The following RNF157 variants were observed in gnomAD, a reference collection of about 807,000 sequenced individuals.
RNF157 encodes E3 ubiquitin ligase RNF157.
A neutral mutation model predicts 88.3 loss-of-function variants in RNF157; 55 were observed. The observed-to-expected ratio is 0.62, with a 90% CI of 0.50 to 0.78. The LOEUF is 0.78. RNF157 is among the 30% of genes least tolerant of loss of function. The pLI, the probability that RNF157 is intolerant of heterozygous loss-of-function variation, is 0.00. For synonymous variants in RNF157, 334 were observed against 341.2 expected, an observed-to-expected ratio of 0.98 and a Z score of 0.23; for missense variants, 788 against 860.8, an observed-to-expected ratio of 0.92 and a Z score of 1.06.
At chr17:76,210,365 G>A (rs955943834) in intron 2 of RNF157, among the ~76,000 whole-genome samples, 9 of 151,692 alleles carry the variant, frequency 5.9e-5, no homozygotes, top group East Asian at 3.9e-4. Context: ...AGGCCAAGGT[G>A]GGCGGATCAC....
chr17:76,173,025 G>A (rs1178354109), intron 3 of RNF157, among the ~76,000 whole-genome samples: 2 of 152,162 alleles, frequency 1.3e-5, no homozygotes, highest in African/African-American at 2.4e-5. Flanking sequence ...GGTGGCTCAC[G>A]CCTGTAATCC....
chr17:76,239,469 A>G (rs920276258), intron 1 of RNF157, among the ~76,000 whole-genome samples: 2 of 152,104 alleles, frequency 1.3e-5, no homozygotes, highest in Admixed American at 1.3e-4. Context: ...CCACTACGCT[A>G]GCAAAGGGGC....
intron 1 of RNF157, among the ~76,000 whole-genome samples, chr17:76,218,466 C>T (rs754378026): frequency 1.1e-4 from 17 of 151,998 alleles, no homozygotes; most frequent in Non-Finnish European, 2.2e-4. Context: ...CATAGCAAGA[C>T]CTCATCTCTA....
chr17:76,210,794 C>G (rs1049772851), intron 2 of RNF157, among the ~76,000 whole-genome samples: 1 of 151,906 alleles, frequency 6.6e-6, no homozygotes, highest in African/African-American at 2.4e-5. Context: ...CAAGGTAACA[C>G]AGCCGCCACC....
rs181147054 is a variant in RNF157, at chr17:76,157,233, C to T, written c.1414-912G>A. 1.9e-3 allele frequency among the ~76,000 whole-genome samples: 285 copies of T among 152,330 alleles called. 1 individual carries two copies. The highest frequency in any genetic ancestry group is 5.7e-3 in the African/African-American group (238 of 41,580). On this transcript the variant is annotated intron_variant, in intron 13 of 18. Transcript: ENST00000269391. This position sits in a 1 kb window ranked among gnomAD's most constrained non-coding sequence, Gnocchi z 5.6. ...CGCCCGCCTCGGCCTCCCAAAGTGC[C>T]GGGATTCCAGGCGTGAGCCTCCGCG... is the stretch of plus-strand genomic sequence containing the variant.
chr17:76,222,101 T>C (rs1044026032), intron 1 of RNF157, among the ~76,000 whole-genome samples: 1 of 152,184 alleles, frequency 6.6e-6, no homozygotes, highest in African/African-American at 2.4e-5. Flanking sequence ...GCGCACACCT[T>C]TTGGGAGGCT....
At chr17:76,175,926 G>T in intron 2 of RNF157, 1 of 359,168 alleles carries the variant, frequency 2.8e-6, no homozygotes, top group Non-Finnish European at 3.9e-6. Context: ...AAGCTATTTG[G>T]CTCTTAAGGA....
At chr17:76,220,356 G>A (rs1182937578) in intron 1 of RNF157, among the ~76,000 whole-genome samples, 5 of 140,082 alleles carry the variant, frequency 3.6e-5, no homozygotes, top group Non-Finnish European at 6.1e-5. Context: ...CAAGGAATAA[G>A]TCTAAGTCAA....
rs768402451 is a variant in RNF157, at chr17:76,161,918, G to A, written c.877C>T (p.Arg293Cys). 6.8e-6 allele frequency: 11 copies of A among 1,614,200 alleles called. No individual in the cohort carries two copies. Among genetic ancestry groups the A allele is most frequent in the South Asian group, 1.1e-5 (1 of 91,086 alleles). Residue 293 changes from arginine to cysteine, a missense_variant, in exon 10 of 19, where the codon CGC becomes TGC. Transcript: ENST00000269391. The surrounding 1 kb of genome is among the most constrained non-coding windows in gnomAD (Gnocchi z 4.6). ...DVRDTLILPC[R>C]HLCLCNTCAD... ...CAGGTGTTACAGAGGCAGAGGTGGC[G>A]ACAGGGCAGAATCAAGGTGTCCCGG... is the stretch of plus-strand genomic sequence containing the variant.
intron 1 of RNF157, among the ~76,000 whole-genome samples, chr17:76,238,758 T>C (rs2070323904): frequency 6.6e-6 from 1 of 152,246 alleles, no homozygotes; most frequent in African/African-American, 2.4e-5. Flanking sequence ...CCTAAGAATA[T>C]TTTTGTCTAT....
At chr17:76,155,106 T>A in intron 16 of RNF157, 146 bp downstream of exon 16, 1 of 712,050 alleles carries the variant, frequency 1.4e-6, no homozygotes, top group South Asian at 1.7e-5. Context: ...TCTACCCACA[T>A]TCCACTTCTC....
At chr17:76,205,554 G>A (rs550473935) in intron 2 of RNF157, among the ~76,000 whole-genome samples, 50 of 151,968 alleles carry the variant, frequency 3.3e-4, no homozygotes, top group African/African-American at 9.4e-4. Context: ...GTGAAACCCC[G>A]TCTCTACTAA....
chr17:76,191,727 T>C (rs2069390271), intron 2 of RNF157, among the ~76,000 whole-genome samples: 1 of 152,078 alleles, frequency 6.6e-6, no homozygotes, highest in South Asian at 2.1e-4. Flanking sequence ...TGAGCTATAA[T>C]TGCACCACTG....
chr17:76,182,193 A>T (rs1419887178), intron 2 of RNF157, among the ~76,000 whole-genome samples: 1 of 152,154 alleles, frequency 6.6e-6, no homozygotes, highest in Non-Finnish European at 1.5e-5. Flanking sequence ...TCTCAAACCC[A>T]GAATGGAAGT....
At chr17:76,145,416 C>CA in intron 18 of RNF157, 63 bp from the exon 19 acceptor site, 1 of 1,274,986 alleles carries the variant, frequency 7.8e-7, no homozygotes, top group African/African-American at 1.5e-5. Flanking sequence ...ATGGTGTCTC[C>CA]AGCAGGGCAG....
intron 2 of RNF157, among the ~76,000 whole-genome samples, chr17:76,206,608 T>C (rs1041948933): frequency 2.6e-5 from 4 of 152,158 alleles, no homozygotes; most frequent in East Asian, 1.9e-4. Context: ...GAGACCAGCC[T>C]GGAACAACAT....
chr17:76,229,724 A>T (rs993945198), intron 1 of RNF157, among the ~76,000 whole-genome samples: 19 of 152,214 alleles, frequency 1.2e-4, no homozygotes, highest in African/African-American at 4.6e-4. Context: ...GATGCACCTT[A>T]ATGAGCTACT....
chr17:76,173,847 C>T (rs893604765), intron 2 of RNF157, 57 bp from the exon 3 acceptor site: 12 of 1,422,380 alleles, frequency 8.4e-6, no homozygotes, highest in Admixed American at 3.8e-5. Context: ...CACAGCTGTC[C>T]CTCGCTTTAC....
intron 5 of RNF157, 119 bp downstream of exon 5, chr17:76,166,890 C>G: frequency 2.9e-6 from 2 of 684,092 alleles, no homozygotes; most frequent in Non-Finnish European, 5.1e-6. Context: ...AGTCACAAGG[C>G]TGAAAGGTAA....
Sources: allele counts gnomAD v4.1 joint callset (sites outside exome capture counted in the v4.1 genomes callset), GRCh38; gene constraint gnomAD v4.1.1; non-coding constraint Gnocchi (gnomAD v3.1); transcripts MANE v1.5; gene names NCBI Gene and HGNC (gene_info 2026-07-23, HGNC 2026-07-21).